POLR1D: variants seen among roughly 807,000 people sequenced by gnomAD.
POLR1D encodes the protein DNA-directed RNA polymerases I and III subunit RPAC2.
In POLR1D, 8 loss-of-function variants were observed where a neutral mutation model predicts 10.8. That is an observed-to-expected ratio of 0.74 (90% CI 0.43 to 1.33). The LOEUF (loss-of-function observed/expected upper bound fraction) is 1.33. Ranked by LOEUF, POLR1D falls within the 40% of genes most tolerant of loss-of-function variation. POLR1D has a pLI of 0.01. For missense variants in POLR1D, 152 were observed against 161.7 expected, an observed-to-expected ratio of 0.94 and a Z score of 0.32; for synonymous variants, 54 against 57.2, an observed-to-expected ratio of 0.94 and a Z score of 0.25.
chr13:27,626,897 G>A (rs184662926), downstream of POLR1D, among the ~76,000 whole-genome samples: 51 of 152,168 alleles, frequency 3.4e-4, no homozygotes, highest in Admixed American at 6.5e-4. Context: ...ACAGAATCTC[G>A]AGAGATGGAA....
chr13:27,664,586 T>C (rs1027278042), intron 2 of POLR1D: 4 of 152,320 alleles, frequency 2.6e-5, no homozygotes, highest in African/African-American at 9.6e-5. Flanking sequence ...TTTTCTTCCT[T>C]TTACTTCCAG....
chr13:27,648,097 A>G (rs1013620338), intron 1 of POLR1D: 2 of 269,866 alleles, frequency 7.4e-6, no homozygotes, highest in Admixed American at 9.7e-5. Flanking sequence ...CAAATTAATA[A>G]GAAAAGATAA....
At chr13:27,659,906 G>GTATATATATATATATATATATATATATA (rs142807905) in intron 2 of POLR1D, among the ~76,000 whole-genome samples, 9 of 145,108 alleles carry the variant, frequency 6.2e-5, no homozygotes, top group African/African-American at 2.4e-4. Flanking sequence ...TATCTCAGGT[G>GTATATATATATATATATATATATATATA]TATATATATA....
intron 1 of POLR1D, among the ~76,000 whole-genome samples, chr13:27,634,244 T>G (rs1956100636): frequency 6.6e-6 from 1 of 152,204 alleles, no homozygotes. Flanking sequence ...TCTAGGGGTT[T>G]ATGATTAGGA....
chr13:27,623,866 AC>A (rs1280942614), downstream of POLR1D, among the ~76,000 whole-genome samples: 2 of 152,216 alleles, frequency 1.3e-5, no homozygotes, highest in African/African-American at 4.8e-5. Context: ...CAGGAAAGAT[AC>A]CAGTTTACTG....
intron 1 of POLR1D, among the ~76,000 whole-genome samples, chr13:27,642,640 T>C (rs1956185630): frequency 6.6e-6 from 1 of 151,764 alleles, no homozygotes. Context: ...AGATCTTAAC[T>C]TAACCATGTA....
chr13:27,632,159 TAA>T (rs1956079987), intron 1 of POLR1D, among the ~76,000 whole-genome samples: 1 of 152,230 alleles, frequency 6.6e-6, no homozygotes, highest in Non-Finnish European at 1.5e-5. Flanking sequence ...TCTATTGGTT[TAA>T]AAAGGTAGAA....
upstream of POLR1D, chr13:27,620,953 A>C (rs1005666007): frequency 6.5e-6 from 1 of 152,806 alleles, no homozygotes; most frequent in Non-Finnish European, 1.5e-5. Context: ...GGAAGCAGAA[A>C]CGTAGTTGCG....
At chr13:27,622,254 A>G (rs559520703) in intron 1 of POLR1D, 10 of 587,848 alleles carry the variant, frequency 1.7e-5, no homozygotes, top group Admixed American at 3.0e-5. Flanking sequence ...CCCCCGTTAC[A>G]ACAGCAGTGT....
exon 3 of POLR1D, chr13:27,665,742 A>C (rs780876937): frequency 6.2e-7 from 1 of 1,613,744 alleles, no homozygotes. Context: ...ACAATTAAAA[A>C]CACATTGCCC....
intron 2 of POLR1D, chr13:27,650,525 C>A (rs1014785733): frequency 1.3e-5 from 2 of 155,188 alleles, no homozygotes; most frequent in Non-Finnish European, 2.9e-5. Context: ...GTGTGACCAG[C>A]TCCACCCTAA....
chr13:27,640,963 TCTAGTCTTAC>T (rs1956167919), intron 1 of POLR1D, among the ~76,000 whole-genome samples: 1 of 152,196 alleles, frequency 6.6e-6, no homozygotes, highest in Non-Finnish European at 1.5e-5. Flanking sequence ...CTAGGTATAA[TCTAGTCTTAC>T]CTAGTACAAT....
At chr13:27,640,481 A>G (rs148366544) in intron 1 of POLR1D, among the ~76,000 whole-genome samples, 3 of 152,318 alleles carry the variant, frequency 2.0e-5, no homozygotes, top group African/African-American at 7.2e-5. Context: ...CATGAATGCA[A>G]TAGATCCTTC....
chr13:27,666,725 T>C (rs1956422358), exon 3 of POLR1D: 1 of 152,246 alleles, frequency 6.6e-6, no homozygotes, highest in Non-Finnish European at 1.5e-5. Context: ...CTATATAGTA[T>C]AGTTGTTCCA....
At chr13:27,654,260 A>G (rs994754030) in intron 2 of POLR1D, among the ~76,000 whole-genome samples, 3 of 152,214 alleles carry the variant, frequency 2.0e-5, no homozygotes, top group Non-Finnish European at 4.4e-5. Context: ...CCCTTTATAT[A>G]ATATCCTTGT....
downstream of POLR1D, among the ~76,000 whole-genome samples, chr13:27,627,727 G>GTTTTT (rs57621806): frequency 3.5e-3 from 333 of 95,384 alleles, 8 homozygotes; most frequent in Middle Eastern, 0.012. Flanking sequence ...TAAAGTTTTA[G>GTTTTT]TTTTTTTTTT....
chr13:27,665,873 G>C (rs1336903425), exon 3 of POLR1D: 2 of 1,613,998 alleles, frequency 1.2e-6, no homozygotes, highest in South Asian at 1.1e-5. Flanking sequence ...CAGCTTCCGC[G>C]CTCGAGGTTC....
At chr13:27,634,474 C>T (rs749216515) in intron 1 of POLR1D, among the ~76,000 whole-genome samples, 11 of 152,110 alleles carry the variant, frequency 7.2e-5, no homozygotes, top group African/African-American at 1.7e-4. Context: ...CTAACAGACA[C>T]GTAACTGTGA....
Position 27,631,192 on chromosome 13 carries a change from A to G in POLR1D, c.26+9183A>G, listed in dbSNP as rs193032666. Among the ~76,000 whole-genome samples, 13 of 152,280 alleles carry G rather than the reference A, an allele frequency of 8.5e-5. No individual in the cohort carries two copies. The East Asian group carries it at 2.5e-3, about 29-fold the overall frequency. On this transcript the variant is annotated intron_variant, in intron 1 of 2. Transcript: ENST00000399697. The stretch of plus-strand genomic sequence containing the variant: ...GAGCTTAGCTGGGTGATTTTGACTC[A>G]GGGTCTCTGACAAGGCTGTAGTCAA...
Sources: allele counts gnomAD v4.1 joint callset (sites outside exome capture counted in the v4.1 genomes callset), GRCh38; gene constraint gnomAD v4.1.1; transcripts MANE v1.5; gene names NCBI Gene and HGNC (gene_info 2026-07-23, HGNC 2026-07-21).